The following CNBD1 variants were observed in gnomAD, a reference collection of about 807,000 sequenced individuals.
CNBD1 encodes the protein cyclic nucleotide binding domain containing 1, also known as cyclic nucleotide-binding domain-containing protein 1.
In CNBD1, 71 loss-of-function variants were observed where a neutral mutation model predicts 54.4. The observed-to-expected ratio is 1.30, with a 90% CI of 1.08 to 1.59. The LOEUF is 1.59. Ranked by LOEUF, CNBD1 falls within the 40% of genes most tolerant of loss-of-function variation. The probability of loss-of-function intolerance (pLI) is 0.00; values close to 1 mark genes in which losing one functional copy is unlikely to be tolerated. For synonymous variants in CNBD1, 182 were observed against 170.7 expected, an observed-to-expected ratio of 1.07 and a Z score of -0.51; for missense variants, 659 against 518.0, an observed-to-expected ratio of 1.27 and a Z score of -2.64.
intron 4 of CNBD1, among the ~76,000 whole-genome samples, chr8:87,179,103 G>C (rs1012649298): frequency 6.6e-6 from 1 of 152,078 alleles, no homozygotes; most frequent in Non-Finnish European, 1.5e-5. Flanking sequence ...TAGAGATGGG[G>C]TTTCACCATG....
Position 87,353,688 on chromosome 8 carries a change from T to G in CNBD1, c.1205T>G (p.Phe402Cys), listed in dbSNP as rs781364211. The G allele has an allele frequency of 1.9e-6, 3 of 1,608,176 alleles. No homozygotes were observed. In the South Asian group the frequency reaches 3.3e-5, roughly 18 times the overall value. The change falls in exon 10 of 11, where the codon TTT becomes TGT. Residue 402 changes from phenylalanine to cysteine, a missense_variant. Coordinates refer to ENST00000518476, the MANE Select transcript of CNBD1 (RefSeq NM_173538.3). ...YMGKLKEKES[F>C]GEISVLLQVP... ...GGGAAACTTAAGGAGAAGGAGTCCTTTGGTGAGATTAGCGTCCTTCTTCAA... is the reference window on the plus strand; with the variant it reads ...GGGAAACTTAAGGAGAAGGAGTCCTGTGGTGAGATTAGCGTCCTTCTTCAA...
chr8:87,331,165 A>AT (rs1288182100), intron 8 of CNBD1, among the ~76,000 whole-genome samples: 1 of 152,054 alleles, frequency 6.6e-6, no homozygotes, highest in Non-Finnish European at 1.5e-5. Context: ...CATTCCTTAG[A>AT]TTTTAAGTCC....
intron 4 of CNBD1, among the ~76,000 whole-genome samples, chr8:87,121,193 G>A (rs1406705408): frequency 6.6e-6 from 1 of 151,620 alleles, no homozygotes; most frequent in Non-Finnish European, 1.5e-5. Flanking sequence ...AACTTGAAAG[G>A]CTAAATATTA....
chr8:87,337,351 A>G (rs993348645), intron 8 of CNBD1, among the ~76,000 whole-genome samples: 1 of 152,176 alleles, frequency 6.6e-6, no homozygotes, highest in Non-Finnish European at 1.5e-5. Flanking sequence ...CCCTCCAACT[A>G]GGTCCTCAGA....
intron 2 of CNBD1, among the ~76,000 whole-genome samples, chr8:87,420,402 T>C (rs938550205): frequency 5.3e-5 from 8 of 152,246 alleles, no homozygotes; most frequent in Admixed American, 1.3e-4. Context: ...ACAATCATTC[T>C]TTTATGGCTA....
At chr8:86,873,784 T>C (rs1221321351) in intron 1 of CNBD1, among the ~76,000 whole-genome samples, 2 of 152,214 alleles carry the variant, frequency 1.3e-5, no homozygotes, top group Non-Finnish European at 2.9e-5. Context: ...GTGAGAAATA[T>C]TAAATTTAAA....
chr8:87,142,659 A>G (rs111808720), intron 4 of CNBD1, among the ~76,000 whole-genome samples: 5 of 152,268 alleles, frequency 3.3e-5, no homozygotes, highest in African/African-American at 1.2e-4. Context: ...TCTCTCCTAC[A>G]TTCATAATTA....
chr8:87,322,645 G>A (rs1809563266), intron 8 of CNBD1, among the ~76,000 whole-genome samples: 1 of 86,024 alleles, frequency 1.2e-5, no homozygotes, highest in Non-Finnish European at 2.5e-5. Context: ...ACTTTTTGAT[G>A]GGGTTGTTTG....
intron 4 of CNBD1, among the ~76,000 whole-genome samples, chr8:87,130,542 C>T (rs1586276772): frequency 6.6e-6 from 1 of 151,974 alleles, no homozygotes; most frequent in African/African-American, 2.4e-5. Context: ...TTTGGGAGGC[C>T]AAGATAGGTG....
At chr8:87,354,492 G>T (rs975674721) in intron 10 of CNBD1, among the ~76,000 whole-genome samples, 2 of 151,774 alleles carry the variant, frequency 1.3e-5, no homozygotes, top group Non-Finnish European at 2.9e-5. Context: ...TGCCATGTTG[G>T]TGTGCTGCAC....
intron 4 of CNBD1, among the ~76,000 whole-genome samples, chr8:87,046,319 G>A (rs1214254922): frequency 1.3e-5 from 2 of 152,086 alleles, no homozygotes; most frequent in East Asian, 3.9e-4. Context: ...GGATTGTTGT[G>A]TGCATGTCCT....
intron 4 of CNBD1, among the ~76,000 whole-genome samples, chr8:87,128,268 G>T (rs1331305467): frequency 6.6e-6 from 1 of 152,208 alleles, no homozygotes; most frequent in East Asian, 1.9e-4. Context: ...CGGATGGCAA[G>T]GCTAAAAGAG....
At chr8:87,044,104 T>C (rs1305800599) in intron 4 of CNBD1, among the ~76,000 whole-genome samples, 1 of 152,234 alleles carries the variant, frequency 6.6e-6, no homozygotes, top group African/African-American at 2.4e-5. Flanking sequence ...TTTCAAGACT[T>C]AATATTTCTT....
intron 4 of CNBD1, among the ~76,000 whole-genome samples, chr8:87,075,083 A>ATGCCT (rs1452965687): frequency 1.3e-5 from 2 of 152,186 alleles, no homozygotes; most frequent in African/African-American, 4.8e-5. Flanking sequence ...AATATTAAAT[A>ATGCCT]AGTTATTTGT....
In CNBD1 at chr8:86,880,333, G is replaced by GA. The variant is rs199507962; in HGVS notation, c.89-7203dup. Among the ~76,000 whole-genome samples, 739 of 114,354 alleles carry GA rather than the reference G, an allele frequency of 6.5e-3. 37 individuals carry two copies. The East Asian group carries it at 0.14, about 22-fold the overall frequency. The allele number at this position is 114,354 out of a possible 152,430, so 75.0% of individuals were successfully genotyped here. On this transcript the variant is annotated intron_variant, in intron 1 of 10. Coordinates refer to ENST00000518476, the MANE Select transcript of CNBD1 (RefSeq NM_173538.3). ...AACCAACTTGGGATCGAACATATTA[G>GA]AAAAAATAAAAAAAAACGTAATACT...
At chr8:87,013,131 A>G (rs1809260417) in intron 4 of CNBD1, among the ~76,000 whole-genome samples, 1 of 152,330 alleles carries the variant, frequency 6.6e-6, no homozygotes, top group South Asian at 2.1e-4. Flanking sequence ...GCAGGGGCCC[A>G]TTGAAGCCCC....
intron 3 of CNBD1, among the ~76,000 whole-genome samples, chr8:86,934,023 A>G (rs1193903651): frequency 1.3e-5 from 2 of 152,304 alleles, no homozygotes; most frequent in East Asian, 3.9e-4. Context: ...ACATTTTTAA[A>G]CAAAAATTTA....
At position 87,351,809 on chromosome 8, in the gene CNBD1, T is replaced by C. The variant is rs1038475790; in HGVS notation, c.1152+15T>C. The C allele has an allele frequency of 1.2e-5, 18 of 1,454,420 alleles. No homozygotes were observed. The highest frequency in any genetic ancestry group is 1.5e-5 in the African/African-American group (1 of 67,600). 90.1% of individuals were successfully genotyped at this position (1,454,420 alleles called of 1,614,324 possible). On this transcript the variant is annotated intron_variant, in intron 9 of 10. Transcript: ENST00000518476. ...CAAATAAAGTGGTAAGTTTTCAACA[T>C]GTATTCTTTTTAATCAATTAATCTA...
chr8:87,369,528 A>C (rs1312510921), intron 10 of CNBD1, among the ~76,000 whole-genome samples: 1 of 151,930 alleles, frequency 6.6e-6, no homozygotes, highest in African/African-American at 2.4e-5. Flanking sequence ...ATTTATCTGG[A>C]AATGTCTTTA....
Sources: allele counts gnomAD v4.1 joint callset (sites outside exome capture counted in the v4.1 genomes callset), GRCh38; gene constraint gnomAD v4.1.1; transcripts MANE v1.5; gene names NCBI Gene and HGNC (gene_info 2026-07-23, HGNC 2026-07-21).